Variants in AXDND1 observed in about 807,000 individuals in gnomAD.
The protein encoded by AXDND1 is axonemal dynein light chain domain containing 1.
In AXDND1, 110 loss-of-function variants were observed where a neutral mutation model predicts 137.5. The ratio of observed to expected loss-of-function variants is 0.80; its 90% CI spans 0.69 to 0.94. The LOEUF (loss-of-function observed/expected upper bound fraction) is 0.94, where lower values mean the gene tolerates loss of function less well. Ranked by LOEUF, AXDND1 falls within the 40% of genes least tolerant of loss-of-function variation. AXDND1 has a pLI of 0.00. For missense variants in AXDND1, 1,191 were observed against 1,169.8 expected (o/e 1.02, Z -0.26); for synonymous variants, 414 against 399.7 (o/e 1.04, Z -0.43).
At chr1:179,493,064 A>G (rs1288170769) in intron 20 of AXDND1, 113 bp downstream of exon 20, 11 of 714,334 alleles carry the variant, frequency 1.5e-5, no homozygotes, top group Non-Finnish European at 2.5e-5. Context: ...ACAATCTTAT[A>G]AGTTCTAAAA....
At chr1:179,481,444 A>G (rs1003729910) in intron 17 of AXDND1, among the ~76,000 whole-genome samples, 11 of 152,200 alleles carry the variant, frequency 7.2e-5, no homozygotes, top group Non-Finnish European at 1.5e-4. Context: ...CAGTGAACAT[A>G]CGTGTGCATG....
At chr1:179,382,165 G>A (rs1476679977) in intron 6 of AXDND1, among the ~76,000 whole-genome samples, 5 of 150,694 alleles carry the variant, frequency 3.3e-5, no homozygotes, top group South Asian at 2.1e-4. Context: ...TGCAACCCCC[G>A]CCTCCCAGGT....
chr1:179,431,795 T>C (rs1002282227), intron 14 of AXDND1, among the ~76,000 whole-genome samples: 5 of 152,178 alleles, frequency 3.3e-5, no homozygotes, highest in Non-Finnish European at 7.4e-5. Context: ...CCATAGTTCT[T>C]GTCTCTTTAG....
chr1:179,465,968 G>T (rs947448799), intron 16 of AXDND1, among the ~76,000 whole-genome samples: 9 of 152,176 alleles, frequency 5.9e-5, no homozygotes, highest in Non-Finnish European at 1.0e-4. Flanking sequence ...AAGACCATTG[G>T]AAAAGCGCAG....
chr1:179,452,306 G>A (rs1175425229), intron 16 of AXDND1: 1 of 153,816 alleles, frequency 6.5e-6, no homozygotes, highest in Non-Finnish European at 1.4e-5. Flanking sequence ...GCATTCAAGA[G>A]GTGACTTGAG....
chr1:179,489,615 C>T (rs181684008), intron 18 of AXDND1, among the ~76,000 whole-genome samples: 7 of 152,244 alleles, frequency 4.6e-5, no homozygotes, highest in Admixed American at 4.6e-4. Flanking sequence ...AAGGTTGCCC[C>T]TTTTCCTGAT....
intron 23 of AXDND1, among the ~76,000 whole-genome samples, chr1:179,532,171 C>G (rs1236976626): frequency 1.3e-5 from 2 of 152,116 alleles, no homozygotes; most frequent in African/African-American, 4.8e-5. Flanking sequence ...TGAAATGGAC[C>G]ACAAAACATT....
rs746154114 is a variant in AXDND1 at position 179,468,608 on chromosome 1, T to C, written c.1964T>C (p.Ile655Thr). The C allele has an allele frequency of 6.2e-7, 1 of 1,612,042 alleles. No individual in the cohort carries two copies. The highest frequency in any genetic ancestry group is 8.5e-7 in the Non-Finnish European group (1 of 1,179,584). ...GATATATTGTTAAACCTTACTGGTA[T>C]TGTTCCACAGCACATAGATGTGGAT... ...HLDILLNLTGIVPQHIDVDSV... is the reference protein window; with the variant it reads ...HLDILLNLTGTVPQHIDVDSV... The change falls in exon 17 of 26, where the codon ATT becomes ACT. Residue 655 changes from isoleucine (I) to threonine (T), a missense_variant. Ile to Thr is a moderately conservative substitution (Grantham distance 89). Transcript: ENST00000367618.
intron 16 of AXDND1, among the ~76,000 whole-genome samples, chr1:179,466,217 A>G (rs1292845527): frequency 6.7e-6 from 1 of 150,090 alleles, no homozygotes; most frequent in Non-Finnish European, 1.5e-5. Flanking sequence ...GGAGCTGTAG[A>G]TTGGAGCTGT....
chr1:179,481,824 C>T (rs939565969), intron 17 of AXDND1, among the ~76,000 whole-genome samples: 3 of 152,178 alleles, frequency 2.0e-5, no homozygotes, highest in Non-Finnish European at 4.4e-5. Context: ...TGTGCTAAAA[C>T]TACTTTCATG....
chr1:179,418,649 C>A (rs1296237428), intron 12 of AXDND1, among the ~76,000 whole-genome samples: 1 of 146,834 alleles, frequency 6.8e-6, no homozygotes, highest in African/African-American at 2.5e-5. Context: ...CCGGACGGGG[C>A]GGCTGGCCGG....
chr1:179,366,433 C>A lies in AXDND1; in HGVS notation c.-77C>A. On this transcript the variant is annotated 5_prime_UTR_variant, in exon 2 of 26. Coordinates refer to ENST00000367618, the MANE Select transcript of AXDND1 (RefSeq NM_144696.6). ...ATGTGGCAGCCTGCAAGTCCCAGTG[C>A]GGCGCTGATTTGTGTCTAAATTAGC... The A allele has an allele frequency of 8.7e-7, 1 of 1,150,252 alleles. No homozygotes were observed. Among genetic ancestry groups the A allele is most frequent in the Non-Finnish European group, 1.3e-6 (1 of 768,534 alleles). 71.3% of individuals were successfully genotyped at this position (1,150,252 alleles called of 1,614,324 possible).
intron 17 of AXDND1, among the ~76,000 whole-genome samples, chr1:179,474,949 TG>T (rs1192364641): frequency 6.6e-6 from 1 of 152,216 alleles, no homozygotes; most frequent in Admixed American, 6.5e-5. Context: ...TGTGAAGCCT[TG>T]GGACATGGCG....
At chr1:179,416,830 C>G (rs529515618) in intron 12 of AXDND1, among the ~76,000 whole-genome samples, 1 of 152,142 alleles carries the variant, frequency 6.6e-6, no homozygotes, top group East Asian at 1.9e-4. Flanking sequence ...CTTGTGGCTA[C>G]CCTAGACAAT....
chr1:179,480,582 G>A (rs1190848473), intron 17 of AXDND1, among the ~76,000 whole-genome samples: 1 of 152,136 alleles, frequency 6.6e-6, no homozygotes, highest in Non-Finnish European at 1.5e-5. Context: ...ACTCTCACAG[G>A]CAGTTTCTGT....
chr1:179,514,109 G>A (rs1669294582), intron 21 of AXDND1, among the ~76,000 whole-genome samples: 1 of 151,738 alleles, frequency 6.6e-6, no homozygotes, highest in African/African-American at 2.4e-5. Flanking sequence ...TTCTTCTGCT[G>A]GGTTTGGGTT....
At chr1:179,477,219 A>G (rs1664745232) in intron 17 of AXDND1, among the ~76,000 whole-genome samples, 1 of 151,726 alleles carries the variant, frequency 6.6e-6, no homozygotes, top group African/African-American at 2.4e-5. Flanking sequence ...TTTAATTTCT[A>G]TTCTCTTATT....
chr1:179,456,218 T>TC, intron 16 of AXDND1: 1 of 793,528 alleles, frequency 1.3e-6, no homozygotes, highest in Non-Finnish European at 2.1e-6. Flanking sequence ...AAGCTTTGTT[T>TC]CCTAATTAAA....
chr1:179,525,655 C>T (rs1196079984), intron 22 of AXDND1, among the ~76,000 whole-genome samples: 1 of 152,054 alleles, frequency 6.6e-6, no homozygotes, highest in Non-Finnish European at 1.5e-5. Flanking sequence ...CACCACCATG[C>T]CTAGCTAATT....
Sources: allele counts gnomAD v4.1 joint callset (sites outside exome capture counted in the v4.1 genomes callset), GRCh38; gene constraint gnomAD v4.1.1; transcripts MANE v1.5; gene names NCBI Gene and HGNC (gene_info 2026-07-23, HGNC 2026-07-21).